CFAP44: variants seen among roughly 807,000 people sequenced by gnomAD.
CFAP44 encodes cilia- and flagella-associated protein 44.
A neutral mutation model predicts 216.2 loss-of-function variants in CFAP44; 134 were observed. The ratio of observed to expected loss-of-function variants is 0.62; its 90% CI spans 0.54 to 0.72. The LOEUF (loss-of-function observed/expected upper bound fraction) is 0.72, where lower values mean the gene tolerates loss of function less well. CFAP44 is among the 30% of genes least tolerant of loss of function. The probability of loss-of-function intolerance (pLI) is 0.00; values close to 1 mark genes in which losing one functional copy is unlikely to be tolerated. For missense variants in CFAP44, 2,035 were observed against 2,182.1 expected, an observed-to-expected ratio of 0.93 and a Z score of 1.34; for synonymous variants, 700 against 727.6, an observed-to-expected ratio of 0.96 and a Z score of 0.61.
chr3:113,440,828 T>C (rs1051848595), intron 1 of CFAP44, among the ~76,000 whole-genome samples: 2 of 152,174 alleles, frequency 1.3e-5, no homozygotes, highest in African/African-American at 2.4e-5. Flanking sequence ...TCTCTCTCCC[T>C]AGCCTCCTTA....
intron 15 of CFAP44, among the ~76,000 whole-genome samples, chr3:113,383,097 G>C (rs1480756263): frequency 6.6e-6 from 1 of 152,232 alleles, no homozygotes; most frequent in African/African-American, 2.4e-5. Flanking sequence ...GGGAAATTCA[G>C]AGATGGACTT....
At chr3:113,329,320 G>A (rs915928329) in intron 26 of CFAP44, among the ~76,000 whole-genome samples, 17 of 152,110 alleles carry the variant, frequency 1.1e-4, no homozygotes, top group Non-Finnish European at 2.2e-4. Flanking sequence ...ACTCAACTCT[G>A]GAAGGAAGTC....
chr3:113,338,255 C>CAAAAAAAAAAAAAAAAAAAAAA (rs10574877), intron 24 of CFAP44, among the ~76,000 whole-genome samples: 6 of 43,042 alleles, frequency 1.4e-4, no homozygotes, highest in Non-Finnish European at 1.5e-4. Context: ...GACAATGTCT[C>CAAAAAAAAAAAAAAAAAAAAAA]AAAAAAAAAA....
At chr3:113,338,113 C>G (rs1299774381) in intron 24 of CFAP44, among the ~76,000 whole-genome samples, 1 of 151,116 alleles carries the variant, frequency 6.6e-6, no homozygotes, top group Admixed American at 6.6e-5. Context: ...AAAAAAAATG[C>G]AAAAGTGGTG....
At chr3:113,424,607 A>T (rs1183320330) in intron 4 of CFAP44, among the ~76,000 whole-genome samples, 1 of 152,206 alleles carries the variant, frequency 6.6e-6, no homozygotes, top group Admixed American at 6.5e-5. Context: ...ATCTGCAGAG[A>T]GGAGAACTAA....
chr3:113,395,264 A>T (rs1933957570), intron 15 of CFAP44, among the ~76,000 whole-genome samples: 1 of 152,368 alleles, frequency 6.6e-6, no homozygotes, highest in Non-Finnish European at 1.5e-5. Flanking sequence ...AGTAATCAAT[A>T]CCGAATTACC....
chr3:113,437,940 T>C (rs1935274738), intron 1 of CFAP44, among the ~76,000 whole-genome samples: 1 of 152,182 alleles, frequency 6.6e-6, no homozygotes, highest in Non-Finnish European at 1.5e-5. Context: ...CTTTAATATG[T>C]AAAATGAGGG....
At chr3:113,332,131 G>T (rs1167348672) in intron 25 of CFAP44, among the ~76,000 whole-genome samples, 2 of 152,176 alleles carry the variant, frequency 1.3e-5, no homozygotes, top group Non-Finnish European at 2.9e-5. Flanking sequence ...TATCATACCT[G>T]CCCATCTCCT....
chr3:113,373,711 C>G (rs1332431449), intron 17 of CFAP44, among the ~76,000 whole-genome samples, 155 bp from the exon 18 acceptor site: 4 of 152,110 alleles, frequency 2.6e-5, no homozygotes, highest in Non-Finnish European at 5.9e-5. Flanking sequence ...TTTATTATTT[C>G]TATAAAGCAT....
chr3:113,416,676 T>C (rs776614822), intron 5 of CFAP44, 49 bp from the exon 6 acceptor site: 2 of 1,348,732 alleles, frequency 1.5e-6, no homozygotes, highest in East Asian at 2.5e-5. Context: ...GATTTTTGTA[T>C]AAATAGTCTG....
intron 33 of CFAP44, among the ~76,000 whole-genome samples, chr3:113,295,616 G>A (rs1022854788): frequency 6.6e-6 from 1 of 152,188 alleles, no homozygotes; most frequent in Non-Finnish European, 1.5e-5. Context: ...ACAGGAAACT[G>A]GAGAAGTCAT....
chr3:113,437,095 C>T (rs543670168), intron 1 of CFAP44, among the ~76,000 whole-genome samples: 4 of 152,314 alleles, frequency 2.6e-5, no homozygotes, highest in Middle Eastern at 3.4e-3. Context: ...TCCCTGCTTT[C>T]TTGCTGGCTG....
intron 32 of CFAP44, among the ~76,000 whole-genome samples, chr3:113,299,404 C>T (rs1169734152): frequency 6.6e-6 from 1 of 152,126 alleles, no homozygotes; most frequent in Non-Finnish European, 1.5e-5. Context: ...ATCCAAAAGA[C>T]AGACAGTAAC....
At chr3:113,436,614 C>T (rs140063644) in intron 1 of CFAP44, among the ~76,000 whole-genome samples, 71 of 152,226 alleles carry the variant, frequency 4.7e-4, no homozygotes, top group Admixed American at 1.0e-3. Context: ...TATGATTGAT[C>T]GATAATGATT....
chr3:113,427,272 T>C lies in CFAP44; in HGVS notation c.168A>G (p.Gly56=). 8.1e-6 allele frequency: 13 copies of C among 1,613,362 alleles called. No homozygotes were observed. Among genetic ancestry groups the C allele is most frequent in the Non-Finnish European group, 1.1e-5 (13 of 1,179,612 alleles). The stretch of plus-strand genomic sequence containing the variant: ...CATCTGAGTCTTCTTCTAAATATGA[T>C]CCTTCCCCTTTGGTAAATGTTTCAT... ...DTDETFTKGE[G]SYLEEDSDEE... The change falls in exon 3 of 35, where the codon GGA becomes GGG. Residue 56 remains glycine (G), a synonymous_variant. Coordinates refer to ENST00000393845, the MANE Select transcript of CFAP44 (RefSeq NM_001164496.2).
At chr3:113,343,812 A>G (rs979219463) in intron 23 of CFAP44, among the ~76,000 whole-genome samples, 6 of 152,224 alleles carry the variant, frequency 3.9e-5, no homozygotes, top group Non-Finnish European at 7.3e-5. Flanking sequence ...AGCAAAAAGG[A>G]GACATTAAAG....
At chr3:113,358,680 T>C in intron 22 of CFAP44, 65 bp downstream of exon 22, 2 of 1,519,650 alleles carry the variant, frequency 1.3e-6, no homozygotes, top group Non-Finnish European at 1.8e-6. Context: ...CTGACACTAC[T>C]ATAAACTATG....
chr3:113,408,076 CAATT>C (rs748608937), intron 7 of CFAP44, among the ~76,000 whole-genome samples: 2 of 152,112 alleles, frequency 1.3e-5, no homozygotes, highest in Non-Finnish European at 2.9e-5. Flanking sequence ...AAAATCTGCT[CAATT>C]AGTCTATATT....
chr3:113,412,419 A>AG (rs1934510368), intron 6 of CFAP44, among the ~76,000 whole-genome samples: 1 of 151,532 alleles, frequency 6.6e-6, no homozygotes. Flanking sequence ...TTTCTTCTAA[A>AG]AAAAAAAAGA....
Sources: gnomAD v4.1 joint callset for allele counts (sites outside exome capture counted in the v4.1 genomes callset) on GRCh38, gnomAD v4.1.1 for gene constraint, MANE v1.5 for transcripts, NCBI Gene and HGNC (gene_info 2026-07-23, HGNC 2026-07-21) for gene names.